TASOR2: variants seen among roughly 807,000 people sequenced by gnomAD.
The protein encoded by TASOR2 is transcription activation suppressor family member 2, also known as protein TASOR 2.
A neutral mutation model predicts 199.5 loss-of-function variants in TASOR2; 84 were observed. The observed-to-expected ratio is 0.42, with a 90% CI of 0.35 to 0.50. The LOEUF is 0.50. Among genes scored for constraint, TASOR2 ranks in the 20% least tolerant of loss-of-function variants. The probability of loss-of-function intolerance (pLI) is 0.02; values close to 1 mark genes in which losing one functional copy is unlikely to be tolerated. For missense variants in TASOR2, 2,796 were observed against 2,835.9 expected, an observed-to-expected ratio of 0.99 and a Z score of 0.32; for synonymous variants, 1,103 against 1,046.6, an observed-to-expected ratio of 1.05 and a Z score of -1.04.
rs138282137 is a variant in TASOR2 at position 5,733,145 on chromosome 10, A to G, written c.1204+1942A>G. On this transcript the variant is annotated intron_variant, in intron 11 of 20. Coordinates refer to ENST00000328090, the Ensembl canonical transcript of TASOR2. ...TATTCCGGTACCTACAAGTTCATACATGACTGGAACAAAAATTTCAAAAAA... is the reference window on the plus strand; with the variant it reads ...TATTCCGGTACCTACAAGTTCATACGTGACTGGAACAAAAATTTCAAAAAA... 5.0e-4 allele frequency among the ~76,000 whole-genome samples: 76 copies of G among 152,322 alleles called. No individual in the cohort carries two copies. The East Asian group carries it at 0.013, about 25-fold the overall frequency.
exon 15 of TASOR2, chr10:5,749,445 G>A: frequency 6.2e-7 from 1 of 1,614,184 alleles, no homozygotes; most frequent in Non-Finnish European, 8.5e-7. Context: ...TTCCAAAGGA[G>A]TCACCAACCC....
intron 1 of TASOR2, among the ~76,000 whole-genome samples, chr10:5,697,804 C>A (rs891463542): frequency 1.3e-5 from 2 of 152,196 alleles, no homozygotes; most frequent in African/African-American, 4.8e-5. Flanking sequence ...GATAATTCAT[C>A]TCATTCAGAC....
At chr10:5,723,957 A>G (rs540133947) in intron 7 of TASOR2, among the ~76,000 whole-genome samples, 180 bp downstream of exon 8, 1 of 152,322 alleles carries the variant, frequency 6.6e-6, no homozygotes, top group East Asian at 1.9e-4. Flanking sequence ...CCAACTAGAA[A>G]CTGAAAGGTA....
chr10:5,708,615 C>T (rs1301532831), intron 1 of TASOR2, among the ~76,000 whole-genome samples: 2 of 13,184 alleles, frequency 1.5e-4, no homozygotes, highest in East Asian at 1.6e-3. Context: ...TTCCTCCCTC[C>T]CTCCCTCCCT....
chr10:5,714,939 T>C (rs142378025), intron 2 of TASOR2, among the ~76,000 whole-genome samples: 98 of 152,128 alleles, frequency 6.4e-4, no homozygotes, highest in Non-Finnish European at 1.1e-3. Context: ...GGGGTGTGAA[T>C]TGAAGCTAAG....
chr10:5,762,635 G>A (rs771514126), exon 20 of TASOR2: 1 of 1,407,026 alleles, frequency 7.1e-7, no homozygotes, highest in South Asian at 1.3e-5. Flanking sequence ...CTCCATTTAG[G>A]AGTAGCTATT....
rs976438882 is a variant in TASOR2 at position 5,691,607 on chromosome 10, C to G, written c.-288+6432C>G. Among the ~76,000 whole-genome samples, 93 of 152,066 alleles carry G rather than the reference C, an allele frequency of 6.1e-4. 3 individuals are homozygous for G. Among genetic ancestry groups the G allele is most frequent in the Non-Finnish European group, 1.5e-5 (1 of 68,014 alleles). On this transcript the variant is annotated intron_variant, in intron 1 of 20. Coordinates refer to ENST00000328090, the Ensembl canonical transcript of TASOR2. ...AACTTGCTTTATAAGTTCAAATTAT[C>G]CTATATGCTATACAACACACTAATG...
intron 1 of TASOR2, among the ~76,000 whole-genome samples, chr10:5,696,177 G>T (rs540439871): frequency 2.7e-4 from 41 of 152,152 alleles, no homozygotes; most frequent in African/African-American, 9.2e-4. Flanking sequence ...TCAGGCTTAC[G>T]TGCCCCTCAA....
chr10:5,694,728 A>G (rs1836933171), intron 1 of TASOR2, among the ~76,000 whole-genome samples: 1 of 152,230 alleles, frequency 6.6e-6, no homozygotes, highest in East Asian at 1.9e-4. Context: ...CTGTGCAGCA[A>G]CAAAAATTTG....
exon 16 of TASOR2, chr10:5,756,641 A>G: frequency 6.2e-7 from 1 of 1,613,622 alleles, no homozygotes; most frequent in Middle Eastern, 1.7e-4. Flanking sequence ...GGCCATACAG[A>G]AATTGAACCT....
intron 11 of TASOR2, among the ~76,000 whole-genome samples, chr10:5,731,645 G>T (rs1297233144): frequency 6.6e-6 from 1 of 152,206 alleles, no homozygotes; most frequent in Non-Finnish European, 1.5e-5. Context: ...CAGGCAATTT[G>T]TGTGCCTCCT....
chr10:5,748,944 C>T lies in TASOR2; in HGVS notation c.5523C>T (p.Pro1841=), dbSNP rs1837597406. Residue 1841 remains proline, a synonymous_variant, in exon 15 of 21, where the codon CCC becomes CCT. Coordinates refer to ENST00000328090, the Ensembl canonical transcript of TASOR2. This position sits in a 1 kb window ranked among gnomAD's most constrained non-coding sequence, Gnocchi z 5.1. ...ACCTGCTTGGTGATTGTAGAAATCC[C>T]AGACTGGATTTGGAGGATTCTTATA... 1 of 1,613,968 alleles carries T rather than the reference C, an allele frequency of 6.2e-7. No homozygotes were observed. The highest frequency in any genetic ancestry group is 1.1e-5 in the South Asian group (1 of 91,072).
exon 15 of TASOR2, chr10:5,747,977 A>G (rs1381668063): frequency 6.2e-7 from 1 of 1,612,920 alleles, no homozygotes; most frequent in East Asian, 2.2e-5. Flanking sequence ...GGAAAGGTGC[A>G]GTGCTATGGT....
chr10:5,756,405 T>TAA (rs759162403), intron 15 of TASOR2, among the ~76,000 whole-genome samples: 276 of 152,360 alleles, frequency 1.8e-3, no homozygotes, highest in Admixed American at 5.5e-3. Context: ...ATACTTTATT[T>TAA]ACCTTTGAAA....
chr10:5,730,911 T>C lies in TASOR2; in HGVS notation c.912T>C (p.Thr304=), dbSNP rs147847201. Residue 304 remains threonine, a synonymous_variant, in exon 11 of 21, where the codon ACT becomes ACC. Transcript: ENST00000328090. This position sits in a 1 kb window ranked among gnomAD's most constrained non-coding sequence, Gnocchi z 4.1. Reference sequence around the variant, plus strand: ...ATGCTGGATTTTCCTTAGTTATGACTCCAGATCCTGAATTTCTTGTCTCAG... The same window carrying C: ...ATGCTGGATTTTCCTTAGTTATGACCCCAGATCCTGAATTTCTTGTCTCAG... 138 of 1,614,208 alleles carry C rather than the reference T, an allele frequency of 8.5e-5. No individual in the cohort carries two copies. In the East Asian group the frequency reaches 2.8e-3, roughly 33 times the overall value.
exon 12 of TASOR2, chr10:5,735,411 G>T (rs954776982): frequency 2.4e-5 from 38 of 1,613,980 alleles, no homozygotes; most frequent in Non-Finnish European, 3.1e-5. Flanking sequence ...TGCTAAAAGG[G>T]CAAGGAAACA....
At chr10:5,743,921 C>G (rs141862639) in intron 14 of TASOR2, 1 of 152,106 alleles carries the variant, frequency 6.6e-6, no homozygotes, top group Non-Finnish European at 1.5e-5. Context: ...CTATCGCACT[C>G]CCTCCACCAG....
At chr10:5,733,530 A>G (rs1052553839) in intron 11 of TASOR2, among the ~76,000 whole-genome samples, 2 of 152,208 alleles carry the variant, frequency 1.3e-5, no homozygotes, top group African/African-American at 4.8e-5. Flanking sequence ...GTTGTGACAC[A>G]TTGAATTTAT....
intron 1 of TASOR2, among the ~76,000 whole-genome samples, chr10:5,694,864 A>G (rs1836956691): frequency 6.6e-6 from 1 of 152,142 alleles, no homozygotes; most frequent in Admixed American, 6.5e-5. Context: ...ACCTATTAGT[A>G]TGGTTAAATT....
Sources: allele counts gnomAD v4.1 joint callset (sites outside exome capture counted in the v4.1 genomes callset), GRCh38; gene constraint gnomAD v4.1.1; non-coding constraint Gnocchi (gnomAD v3.1); transcripts MANE v1.5; gene names NCBI Gene and HGNC (gene_info 2026-07-23, HGNC 2026-07-21).